Variants in CNTN6 observed in about 807,000 individuals in gnomAD.
The protein encoded by CNTN6 is contactin-6.
In CNTN6, 137 loss-of-function variants were observed where a neutral mutation model predicts 122.8. That is an observed-to-expected ratio of 1.12 (90% CI 0.97 to 1.29). The LOEUF is 1.29. CNTN6 is among the 50% of genes most tolerant of loss of function. The pLI is 0.00. For missense variants in CNTN6, 1,634 were observed against 1,223.4 expected (o/e 1.34, Z -5.01); for synonymous variants, 570 against 426.0 (o/e 1.34, Z -4.16).
chr3:1,219,005 C>T (rs1301544121), intron 2 of CNTN6, among the ~76,000 whole-genome samples: 7 of 152,266 alleles, frequency 4.6e-5, no homozygotes, highest in African/African-American at 1.7e-4. Flanking sequence ...AAAGGCAAGC[C>T]ATTTGAAAGC....
intron 1 of CNTN6, among the ~76,000 whole-genome samples, chr3:1,113,864 A>G (rs963862883): frequency 6.6e-6 from 1 of 152,032 alleles, no homozygotes; most frequent in Admixed American, 6.6e-5. Flanking sequence ...ACTCTCACTC[A>G]CTCAAATGGT....
Position 1,297,963 on chromosome 3 carries a change from G to C in CNTN6, c.733G>C (p.Val245Leu), listed in dbSNP as rs202144505. Residue 245 changes from valine to leucine, a missense_variant, in exon 7 of 23, where the codon GTA becomes CTA. Transcript: ENST00000446702. ...TATACAAGCTGCAAAGGATTCATCTGTAAAACTGGAATGTTTTGCCCTTGG... is the reference window on the plus strand; with the variant it reads ...TATACAAGCTGCAAAGGATTCATCTCTAAAACTGGAATGTTTTGCCCTTGG... ...ETIQAAKDSSVKLECFALGNP... is the reference protein window; with the variant it reads ...ETIQAAKDSSLKLECFALGNP... The C allele has an allele frequency of 6.1e-5, 98 of 1,611,170 alleles. No homozygotes were observed. The highest frequency in any genetic ancestry group is 4.9e-4 in the Middle Eastern group (3 of 6,072).
At chr3:1,210,073 T>G (rs1186628998) in intron 2 of CNTN6, among the ~76,000 whole-genome samples, 1 of 152,174 alleles carries the variant, frequency 6.6e-6, no homozygotes, top group Non-Finnish European at 1.5e-5. Context: ...TCCTTTTTTC[T>G]TTCTCCTATG....
intron 12 of CNTN6, 115 bp from the exon 13 acceptor site, chr3:1,372,184 C>A: frequency 1.5e-6 from 1 of 676,030 alleles, no homozygotes; most frequent in Non-Finnish European, 2.3e-6. Flanking sequence ...CATTGTAGAA[C>A]TCCAGGTTGC....
At chr3:1,245,219 TATATATATATATATATACACACACAC>T (rs2094547489) in intron 4 of CNTN6, among the ~76,000 whole-genome samples, 3 of 23,122 alleles carry the variant, frequency 1.3e-4, no homozygotes, top group African/African-American at 3.0e-4. Flanking sequence ...TATATATATA[TATATATATATATATATACACACACAC>T]ATATATATAT....
chr3:1,377,076 G>T lies in CNTN6; in HGVS notation c.2166+1G>T. ...GTCTGAACTCGTCATTACGTGGGAG[G>T]TAATTTTCTGTCCAACTGAGTTATT... On this transcript the variant is annotated splice_donor_variant, in intron 17 of 22. Coordinates refer to ENST00000446702, the MANE Select transcript of CNTN6 (RefSeq NM_001289080.2). LOFTEE classifies it high-confidence loss of function. The T allele has an allele frequency of 1.3e-6, 2 of 1,586,808 alleles. No individual in the cohort carries two copies. The highest frequency in any genetic ancestry group is 1.7e-6 in the Non-Finnish European group (2 of 1,163,558).
At chr3:1,103,298 A>G (rs983946536) in intron 1 of CNTN6, among the ~76,000 whole-genome samples, 1 of 152,136 alleles carries the variant, frequency 6.6e-6, no homozygotes, top group Non-Finnish European at 1.5e-5. Context: ...TAGAATTTTG[A>G]CAGCCCTATA....
intron 11 of CNTN6, among the ~76,000 whole-genome samples, chr3:1,350,774 A>G (rs774493375): frequency 2.6e-5 from 4 of 151,862 alleles, no homozygotes; most frequent in Non-Finnish European, 4.4e-5. Context: ...TTATTGGCCA[A>G]TAGTTCAGGT....
intron 4 of CNTN6, among the ~76,000 whole-genome samples, chr3:1,254,779 T>C (rs1481045170): frequency 6.6e-6 from 1 of 152,142 alleles, no homozygotes; most frequent in Non-Finnish European, 1.5e-5. Flanking sequence ...AAAATTAAGG[T>C]TCATCAAAAT....
chr3:1,371,708 A>G (rs975639706), intron 12 of CNTN6, among the ~76,000 whole-genome samples: 4 of 152,212 alleles, frequency 2.6e-5, no homozygotes, highest in Admixed American at 6.6e-5. Flanking sequence ...TGATGGATGC[A>G]TAATTTTAAC....
intron 11 of CNTN6, among the ~76,000 whole-genome samples, chr3:1,351,764 G>C: frequency 6.6e-6 from 1 of 151,704 alleles, no homozygotes; most frequent in Admixed American, 6.6e-5. Context: ...TCTTTTTGAT[G>C]GGATAGCCAC....
intron 4 of CNTN6, among the ~76,000 whole-genome samples, chr3:1,266,975 G>A (rs1479801511): frequency 1.1e-5 from 1 of 93,354 alleles, no homozygotes; most frequent in Non-Finnish European, 2.1e-5. Flanking sequence ...TTTTTTTTTG[G>A]AGACAGAGTC....
chr3:1,324,956 G>A (rs1047609602), intron 8 of CNTN6, among the ~76,000 whole-genome samples: 2 of 139,950 alleles, frequency 1.4e-5, no homozygotes, highest in African/African-American at 6.6e-5. Flanking sequence ...CAGCCTGAGA[G>A]TCCAAGGGAA....
At chr3:1,255,579 G>A (rs4082640) in intron 4 of CNTN6, among the ~76,000 whole-genome samples, 42,281 of 151,882 alleles carry the variant, frequency 0.28, 6,210 homozygotes, top group South Asian at 0.43. Context: ...GAACAGTAGA[G>A]CTCCATACAA....
At chr3:1,158,808 A>ATATATATGTGTG (rs1491559333) in intron 2 of CNTN6, among the ~76,000 whole-genome samples, 12 of 39,268 alleles carry the variant, frequency 3.1e-4, no homozygotes, top group African/African-American at 7.1e-4. Flanking sequence ...ATATACACAC[A>ATATATATGTGTG]TATATATACA....
At chr3:1,194,048 C>T (rs969100949) in intron 2 of CNTN6, among the ~76,000 whole-genome samples, 7 of 152,012 alleles carry the variant, frequency 4.6e-5, no homozygotes, top group Admixed American at 6.6e-5. Flanking sequence ...TTTTAGTTCA[C>T]GCAACCAAAG....
At chr3:1,349,032 C>G (rs773387435) in intron 11 of CNTN6, among the ~76,000 whole-genome samples, 1 of 151,916 alleles carries the variant, frequency 6.6e-6, no homozygotes, top group African/African-American at 2.4e-5. Context: ...CATACCGTTT[C>G]AAACACAGTA....
intron 20 of CNTN6, among the ~76,000 whole-genome samples, chr3:1,386,954 C>T (rs1354915854): frequency 6.6e-6 from 1 of 151,800 alleles, no homozygotes; most frequent in East Asian, 1.9e-4. Flanking sequence ...TAGGAACCAT[C>T]TCAGAGAATA....
At chr3:1,106,373 T>C (rs2091221808) in intron 1 of CNTN6, among the ~76,000 whole-genome samples, 1 of 152,136 alleles carries the variant, frequency 6.6e-6, no homozygotes, top group African/African-American at 2.4e-5. Context: ...TGTTAATATT[T>C]GATGTTATTT....
Sources: allele counts gnomAD v4.1 joint callset (sites outside exome capture counted in the v4.1 genomes callset), GRCh38; gene constraint gnomAD v4.1.1; transcripts MANE v1.5; gene names NCBI Gene and HGNC (gene_info 2026-07-23, HGNC 2026-07-21).